Variants in CELA2A observed in about 807,000 individuals in gnomAD.
CELA2A encodes the protein chymotrypsin like elastase 2A, also known as chymotrypsin-like elastase family member 2A.
In CELA2A, 31 loss-of-function variants were observed where a neutral mutation model predicts 35.3. The ratio of observed to expected loss-of-function variants is 0.88; its 90% CI spans 0.66 to 1.19. The LOEUF (loss-of-function observed/expected upper bound fraction) is 1.19, where lower values mean the gene tolerates loss of function less well. CELA2A is among the 50% of genes most tolerant of loss of function. CELA2A has a pLI of 0.00. For synonymous variants in CELA2A, 150 were observed against 149.8 expected, an observed-to-expected ratio of 1.00 and a Z score of -0.01; for missense variants, 330 against 352.9, an observed-to-expected ratio of 0.94 and a Z score of 0.52.
At chr1:15,462,635 G>C in intron 3 of CELA2A, 98 bp from the exon 4 acceptor site, 4 of 1,466,330 alleles carry the variant, frequency 2.7e-6, no homozygotes, top group East Asian at 2.3e-5. Context: ...GTCCCATCTA[G>C]TGGCTCACGC....
At chr1:15,465,408 C>CT (rs1317018063) in intron 5 of CELA2A, among the ~76,000 whole-genome samples, 1 of 152,142 alleles carries the variant, frequency 6.6e-6, no homozygotes, top group African/African-American at 2.4e-5. Context: ...GTGATGGTGG[C>CT]TGTGTCATTG....
At chr1:15,459,600 A>G (rs911823430) in intron 2 of CELA2A, among the ~76,000 whole-genome samples, 1 of 152,168 alleles carries the variant, frequency 6.6e-6, no homozygotes, top group Non-Finnish European at 1.5e-5. Flanking sequence ...CACCGGGCGC[A>G]TTTGTGCTAA....
At position 15,469,245 on chromosome 1, in the gene CELA2A, G is replaced by A. The variant is rs926431987; in HGVS notation, c.792+1707G>A. Among the ~76,000 whole-genome samples the A allele has an allele frequency of 9.9e-5, 15 of 152,272 alleles. No homozygotes were observed. The East Asian group carries it at 1.5e-3, about 16-fold the overall frequency. On this transcript the variant is annotated intron_variant, in intron 7 of 7. Coordinates refer to ENST00000359621, the MANE Select transcript of CELA2A (RefSeq NM_033440.3). ...GAGGGCAGAGGAGCCACCATGCCTC[G>A]TACTGGATGCTAGAAGGAAAGAGTC...
intron 4 of CELA2A, 122 bp from the exon 5 acceptor site, chr1:15,463,264 C>T: frequency 1.4e-6 from 2 of 1,473,986 alleles, no homozygotes; most frequent in South Asian, 1.3e-5. Flanking sequence ...TGGGGCCCTG[C>T]CAGTCAGAGC....
At chr1:15,461,817 T>C in intron 3 of CELA2A, 159 bp downstream of exon 3, 1 of 851,206 alleles carries the variant, frequency 1.2e-6, no homozygotes, top group Non-Finnish European at 2.0e-6. Flanking sequence ...GTTCAGTGTG[T>C]TGGCCCATCA....
At chr1:15,463,818 T>A (rs773276806) in intron 5 of CELA2A, among the ~76,000 whole-genome samples, 1 of 151,614 alleles carries the variant, frequency 6.6e-6, no homozygotes, top group Non-Finnish European at 1.5e-5. Context: ...GGGAGGCCCA[T>A]CCCGCGGATC....
intron 1 of CELA2A, 38 bp downstream of exon 1, chr1:15,456,831 C>T: frequency 1.2e-6 from 2 of 1,613,804 alleles, no homozygotes; most frequent in Non-Finnish European, 1.7e-6. Flanking sequence ...TTTCCCATGC[C>T]CTGGTGGGGC....
chr1:15,465,283 T>A (rs79412974), intron 5 of CELA2A, among the ~76,000 whole-genome samples: 17,168 of 151,914 alleles, frequency 0.11, 1,227 homozygotes, highest in African/African-American at 0.19. Flanking sequence ...AGCGCTGGGA[T>A]TAGAGGGTGA....
intron 7 of CELA2A, among the ~76,000 whole-genome samples, chr1:15,469,691 G>C (rs747172068): frequency 2.6e-5 from 4 of 152,144 alleles, no homozygotes; most frequent in Non-Finnish European, 5.9e-5. Context: ...AAATCAAAAA[G>C]ACAGTAGCCA....
rs184256573 is a variant in CELA2A at position 15,467,506 on chromosome 1, C to T, written c.760C>T (p.Arg254Trp). Residue 254 changes from arginine (R) to tryptophan (W), a missense_variant, in exon 7 of 8, where the codon CGG (arginine) becomes TGG (tryptophan). Arg to Trp is a moderately radical substitution (Grantham distance 101, BLOSUM62 -3). Transcript: ENST00000359621. ...CTACCACAAGCCCTCCGTCTTCACG[C>T]GGGTCTCCAATTACATCGACTGGAT... The part of the protein sequence containing the change: ...NYYHKPSVFT[R>W]VSNYIDWINS... 36 of 1,614,180 alleles carry T rather than the reference C, an allele frequency of 2.2e-5. No individual in the cohort carries two copies. Among genetic ancestry groups the T allele is most frequent in the East Asian group, 6.7e-5 (3 of 44,884 alleles).
At chr1:15,468,300 C>T (rs1708549323) in intron 7 of CELA2A, among the ~76,000 whole-genome samples, 1 of 152,060 alleles carries the variant, frequency 6.6e-6, no homozygotes, top group Non-Finnish European at 1.5e-5. Context: ...GGTGACCAAC[C>T]ATCATGGTTT....
intron 2 of CELA2A, among the ~76,000 whole-genome samples, chr1:15,458,482 T>C (rs1708390780): frequency 6.6e-6 from 1 of 152,228 alleles, no homozygotes; most frequent in Non-Finnish European, 1.5e-5. Flanking sequence ...CAAACCCAGC[T>C]GAATCAGGAT....
intron 2 of CELA2A, among the ~76,000 whole-genome samples, chr1:15,459,683 G>C (rs1477288031): frequency 1.3e-5 from 2 of 152,162 alleles, no homozygotes; most frequent in African/African-American, 4.8e-5. Context: ...TTGAGAACCA[G>C]TGAATGTTAA....
chr1:15,462,668 T>A lies in CELA2A; in HGVS notation c.228-65T>A. ...CGCAGCAGCCAGTTACTTGGGTCTATCCCCAGCATTATCCAAAGCCAGGCC... is the reference window on the plus strand; with the variant it reads ...CGCAGCAGCCAGTTACTTGGGTCTAACCCCAGCATTATCCAAAGCCAGGCC... On this transcript the variant is annotated intron_variant, in intron 3 of 7. Coordinates refer to ENST00000359621, the MANE Select transcript of CELA2A (RefSeq NM_033440.3). 45 of 1,595,398 alleles carry A rather than the reference T, an allele frequency of 2.8e-5. 1 individual carries two copies. The South Asian group carries it at 5.0e-4, about 18-fold the overall frequency.
rs554194594 is a variant in CELA2A at position 15,464,098 on chromosome 1, G to C, written c.493+576G>C. ...AGCACCTACATCACAGAGTTGTCAC[G>C]AGGATTAAAGGAGATAATCCATAGG... On this transcript the variant is annotated intron_variant, in intron 5 of 7. Coordinates refer to ENST00000359621, the MANE Select transcript of CELA2A (RefSeq NM_033440.3). 2.0e-5 allele frequency among the ~76,000 whole-genome samples: 3 copies of C among 152,234 alleles called. No individual in the cohort carries two copies. In the South Asian group the frequency reaches 6.2e-4, roughly 32 times the overall value.
chr1:15,457,876 T>C lies in CELA2A; in HGVS notation c.129+702T>C, dbSNP rs59803857. ...AGATTAATCTTTAACCACAGGCAAA[T>C]CAATGTTACCAATGAAAAAAATGTT... On this transcript the variant is annotated intron_variant, in intron 2 of 7. Coordinates refer to ENST00000359621, the MANE Select transcript of CELA2A (RefSeq NM_033440.3). Among the ~76,000 whole-genome samples the C allele has an allele frequency of 2.2e-3, 342 of 152,266 alleles. 1 individual carries two copies. Among genetic ancestry groups the C allele is most frequent in the African/African-American group, 8.0e-3 (334 of 41,552 alleles).
At chr1:15,464,314 G>C (rs2103303478) in intron 5 of CELA2A, among the ~76,000 whole-genome samples, 1 of 152,166 alleles carries the variant, frequency 6.6e-6, no homozygotes, top group African/African-American at 2.4e-5. Context: ...GCTGTCCCCT[G>C]TGCCATTAGG....
intron 7 of CELA2A, 102 bp downstream of exon 7, chr1:15,467,640 G>A (rs1230555588): frequency 7.0e-7 from 1 of 1,437,786 alleles, no homozygotes; most frequent in Non-Finnish European, 9.5e-7. Context: ...CCTTCCTCTT[G>A]AGAGCTAGAT....
chr1:15,463,610 T>G, intron 5 of CELA2A, 88 bp downstream of exon 5: 2 of 1,589,190 alleles, frequency 1.3e-6, no homozygotes, highest in East Asian at 4.5e-5. Flanking sequence ...TCACCTGTCA[T>G]CCCAGGGTGT....
Sources: gnomAD v4.1 joint callset for allele counts (sites outside exome capture counted in the v4.1 genomes callset) on GRCh38, gnomAD v4.1.1 for gene constraint, MANE v1.5 for transcripts, NCBI Gene and HGNC (gene_info 2026-07-23, HGNC 2026-07-21) for gene names.